The following FBXL7 variants were observed in gnomAD, a reference collection of about 807,000 sequenced individuals.
FBXL7 encodes the protein F-box and leucine rich repeat protein 7.
Under a neutral mutation model 38.3 loss-of-function variants are expected in FBXL7, and 12 were observed. The observed-to-expected ratio is 0.31, with a 90% CI of 0.20 to 0.51. The LOEUF is 0.51. FBXL7 is among the 20% of genes least tolerant of loss of function. FBXL7 has a pLI of 0.98. For missense variants in FBXL7, 567 were observed against 676.4 expected (o/e 0.84, Z 1.79); for synonymous variants, 297 against 300.9 (o/e 0.99, Z 0.13).
chr5:15,531,140 T>G (rs1171807103), intron 1 of FBXL7, among the ~76,000 whole-genome samples: 1 of 152,090 alleles, frequency 6.6e-6, no homozygotes, highest in Non-Finnish European at 1.5e-5. Flanking sequence ...GAACAATATA[T>G]ATGTCCAAAA....
At chr5:15,759,314 T>C (rs966803665) in intron 2 of FBXL7, among the ~76,000 whole-genome samples, 1 of 152,210 alleles carries the variant, frequency 6.6e-6, no homozygotes, top group Non-Finnish European at 1.5e-5. Flanking sequence ...AATCCAGTCC[T>C]ATTAAATAAT....
chr5:15,734,877 A>G (rs1336958610), intron 2 of FBXL7, among the ~76,000 whole-genome samples: 1 of 152,236 alleles, frequency 6.6e-6, no homozygotes, highest in East Asian at 1.9e-4. Flanking sequence ...TAGCGCCATC[A>G]TGGAGGGCCT....
intron 1 of FBXL7, among the ~76,000 whole-genome samples, chr5:15,584,903 G>T (rs767191382): frequency 2.0e-4 from 31 of 152,294 alleles, no homozygotes; most frequent in Non-Finnish European, 3.7e-4. Context: ...GTCTTACATG[G>T]CAGCAGGCAG....
intron 1 of FBXL7, among the ~76,000 whole-genome samples, chr5:15,604,387 C>T (rs1468810098): frequency 1.3e-5 from 2 of 152,124 alleles, no homozygotes; most frequent in Non-Finnish European, 2.9e-5. Context: ...CAGAGTCCTG[C>T]CCTGTTGCTC....
intron 2 of FBXL7, among the ~76,000 whole-genome samples, chr5:15,888,284 G>A (rs1309873481): frequency 6.6e-6 from 1 of 151,784 alleles, no homozygotes; most frequent in Non-Finnish European, 1.5e-5. Flanking sequence ...CTGGAGTGCA[G>A]TGGCGCAATC....
At chr5:15,677,474 A>AAGAGAGCG (rs1742699592) in intron 2 of FBXL7, among the ~76,000 whole-genome samples, 1 of 149,084 alleles carries the variant, frequency 6.7e-6, no homozygotes, top group African/African-American at 2.5e-5. Flanking sequence ...AAAAGAAAGA[A>AAGAGAGCG]AGAGAGAGAG....
intron 1 of FBXL7, among the ~76,000 whole-genome samples, chr5:15,524,083 A>G (rs61438892): frequency 6.6e-6 from 1 of 152,238 alleles, no homozygotes; most frequent in African/African-American, 2.4e-5. Flanking sequence ...TATCTAACCA[A>G]ATAAGGACAT....
chr5:15,881,010 A>C (rs1740429759), intron 2 of FBXL7, among the ~76,000 whole-genome samples: 1 of 152,006 alleles, frequency 6.6e-6, no homozygotes, highest in South Asian at 2.1e-4. Flanking sequence ...CTGATTCCAG[A>C]AATTTCACTC....
intron 2 of FBXL7, among the ~76,000 whole-genome samples, chr5:15,889,098 G>A (rs1740799642): frequency 6.6e-6 from 1 of 152,190 alleles, no homozygotes; most frequent in Non-Finnish European, 1.5e-5. Context: ...GTGGGGCGGG[G>A]GGAAAGAAGG....
chr5:15,585,048 T>C (rs946352302), intron 1 of FBXL7, among the ~76,000 whole-genome samples: 6 of 152,208 alleles, frequency 3.9e-5, no homozygotes, highest in African/African-American at 1.2e-4. Context: ...TAATTTATGA[T>C]TTATAATTTA....
rs566854827 is a variant in FBXL7, at chr5:15,579,482, G to A, written c.38-36501G>A. Among the ~76,000 whole-genome samples the A allele has an allele frequency of 9.9e-5, 15 of 152,244 alleles. No individual in the cohort carries two copies. In the South Asian group the frequency reaches 1.0e-3, roughly 11 times the overall value. ...TCTGAGATGAAATAATGAAAGTTAC[G>A]AAACACAGATGCTTCCCTCAACTAA... is the stretch of plus-strand genomic sequence containing the variant. On this transcript the variant is annotated intron_variant, in intron 1 of 3. Coordinates refer to ENST00000504595, the MANE Select transcript of FBXL7 (RefSeq NM_012304.5).
rs549377178 is a variant in FBXL7, at chr5:15,891,651, G to A, written c.128-36239G>A. On this transcript the variant is annotated intron_variant, in intron 2 of 3. Transcript: ENST00000504595. The stretch of plus-strand genomic sequence containing the variant: ...GATAAAGTATCATAAATGAGTGAGA[G>A]GATTATTATTTTAAAGAGGTTATTC... 1.2e-4 allele frequency among the ~76,000 whole-genome samples: 19 copies of A among 152,220 alleles called. No individual in the cohort carries two copies. In the South Asian group the frequency reaches 2.9e-3, roughly 23 times the overall value.
chr5:15,670,244 A>G (rs1742422091), intron 2 of FBXL7, among the ~76,000 whole-genome samples: 1 of 152,240 alleles, frequency 6.6e-6, no homozygotes, highest in South Asian at 2.1e-4. Context: ...TGAATGAAGC[A>G]CAGAAATTAA....
At chr5:15,817,786 G>A (rs534393189) in intron 2 of FBXL7, among the ~76,000 whole-genome samples, 2 of 152,232 alleles carry the variant, frequency 1.3e-5, no homozygotes, top group Admixed American at 6.5e-5. Context: ...GTGGAACTGC[G>A]AGTCCACTAA....
intron 2 of FBXL7, among the ~76,000 whole-genome samples, chr5:15,904,983 G>A (rs530318223): frequency 2.0e-5 from 3 of 152,182 alleles, no homozygotes; most frequent in South Asian, 2.1e-4. Flanking sequence ...CCTTGAATTC[G>A]CTTAAACAGG....
At chr5:15,646,178 A>G (rs1386608039) in intron 2 of FBXL7, among the ~76,000 whole-genome samples, 1 of 152,230 alleles carries the variant, frequency 6.6e-6, no homozygotes, top group Non-Finnish European at 1.5e-5. Flanking sequence ...TAAAGAACAT[A>G]TAAAGAATAA....
At chr5:15,880,165 G>A (rs919489579) in intron 2 of FBXL7, among the ~76,000 whole-genome samples, 3 of 152,140 alleles carry the variant, frequency 2.0e-5, no homozygotes, top group Admixed American at 2.0e-4. Flanking sequence ...GGGTGCTGCT[G>A]GTGCTGCCTC....
intron 2 of FBXL7, among the ~76,000 whole-genome samples, chr5:15,651,057 T>C (rs552703247): frequency 2.9e-4 from 44 of 152,146 alleles, no homozygotes; most frequent in African/African-American, 1.0e-3. Context: ...GAAATCACTC[T>C]ATGGCAGCTA....
chr5:15,870,055 A>T (rs538264057), intron 2 of FBXL7, among the ~76,000 whole-genome samples: 2 of 152,110 alleles, frequency 1.3e-5, no homozygotes, highest in Non-Finnish European at 2.9e-5. Context: ...GGATATAGTG[A>T]TCCGCGATTG....
Sources: gnomAD v4.1 joint callset for allele counts (sites outside exome capture counted in the v4.1 genomes callset) on GRCh38, gnomAD v4.1.1 for gene constraint, MANE v1.5 for transcripts, NCBI Gene and HGNC (gene_info 2026-07-23, HGNC 2026-07-21) for gene names.